Variants in PZP observed in about 807,000 individuals in gnomAD.
The protein encoded by PZP is PZP alpha-2-macroglobulin like.
Under a neutral mutation model 179.8 loss-of-function variants are expected in PZP, and 150 were observed. The ratio of observed to expected loss-of-function variants is 0.83; its 90% CI spans 0.73 to 0.96. PZP has a LOEUF of 0.96. Among genes scored for constraint, PZP ranks in the 40% least tolerant of loss-of-function variants. The pLI, the probability that PZP is intolerant of heterozygous loss-of-function variation, is 0.00. For missense variants in PZP, 1,689 were observed against 1,764.0 expected, an observed-to-expected ratio of 0.96 and a Z score of 0.76; for synonymous variants, 624 against 652.3, an observed-to-expected ratio of 0.96 and a Z score of 0.66.
At position 9,202,222 on chromosome 12, in the gene PZP, T is replaced by C. The variant is rs1381524040; in HGVS notation, c.480+97A>G. On this transcript the variant is annotated intron_variant, in intron 4 of 35. Transcript: ENST00000261336. ...CTGGAGCCAAGTTCAAAAACAAGTG[T>C]CTTTCATCCTCTCGCTTTTCTTGTA... 17 of 1,121,710 alleles carry C rather than the reference T, an allele frequency of 1.5e-5. No homozygotes were observed. In the Admixed American group the frequency reaches 3.4e-4, roughly 22 times the overall value. 69.5% of individuals were successfully genotyped at this position (1,121,710 alleles called of 1,614,324 possible). A position where few individuals can be genotyped will look rare whatever the true frequency, so the allele number is the denominator to read the frequency against.
chr12:9,169,242 C>G (rs1324152691), intron 16 of PZP, among the ~76,000 whole-genome samples, 188 bp downstream of exon 16: 5 of 151,946 alleles, frequency 3.3e-5, no homozygotes, highest in African/African-American at 9.7e-5. Context: ...AGATCTAGCC[C>G]TGACTCACAT....
Position 9,192,498 on chromosome 12 carries a change from G to A in PZP, c.1482+14C>T, listed in dbSNP as rs915503739. On this transcript the variant is annotated intron_variant, in intron 12 of 35. Coordinates refer to ENST00000261336, the MANE Select transcript of PZP (RefSeq NM_002864.3). ...CTGATAAGCTGCAATTGTATTCCAT[G>A]GCCTCATTCTTACCAGGTAATGGAA... The A allele has an allele frequency of 6.3e-7, 1 of 1,598,924 alleles. No homozygotes were observed. Among genetic ancestry groups the A allele is most frequent in the Non-Finnish European group, 8.6e-7 (1 of 1,166,808 alleles).
Position 9,168,862 on chromosome 12 carries a change from GTT to G in PZP, c.2107+5_2107+6del. The G allele has an allele frequency of 6.3e-7, 1 of 1,599,004 alleles. No homozygotes were observed. Among genetic ancestry groups the G allele is most frequent in the Non-Finnish European group, 8.6e-7 (1 of 1,167,658 alleles). ...GAAATAAAATTAAAAGCAAATTGCTGTTTTACCTCCATAGTATCCTTGACCTA... is the reference window on the plus strand; with the variant it reads ...GAAATAAAATTAAAAGCAAATTGCTGTTACCTCCATAGTATCCTTGACCTA... On this transcript the variant is annotated splice_donor_5th_base_variant and intron_variant, in intron 17 of 35. Coordinates refer to ENST00000261336, the MANE Select transcript of PZP (RefSeq NM_002864.3).
chr12:9,143,494 G>A, the PZP span, among the ~76,000 whole-genome samples: 1 of 151,954 alleles, frequency 6.6e-6, no homozygotes, highest in East Asian at 1.9e-4. Flanking sequence ...TTAGAAGGAA[G>A]GAATTTCAGA....
At chr12:9,185,767 G>GACTT (rs1184469237) in intron 13 of PZP, among the ~76,000 whole-genome samples, 1 of 101,922 alleles carries the variant, frequency 9.8e-6, no homozygotes, top group Non-Finnish European at 2.1e-5. Context: ...CAAGCCATAA[G>GACTT]AGATTTGGGG....
At chr12:9,173,514 T>TA (rs917607966) in intron 15 of PZP, among the ~76,000 whole-genome samples, 25 of 151,728 alleles carry the variant, frequency 1.6e-4, no homozygotes, top group African/African-American at 5.3e-4. Context: ...AAAACCCTCT[T>TA]AAAAAAACAA....
the PZP span, among the ~76,000 whole-genome samples, chr12:9,142,075 C>G: frequency 7.9e-5 from 12 of 152,296 alleles, no homozygotes; most frequent in South Asian, 1.5e-3. Context: ...GTAAACATCC[C>G]TCTCTTTAAA....
At chr12:9,195,377 T>TCCCTTC (rs1943709473) in intron 10 of PZP, among the ~76,000 whole-genome samples, 1 of 151,910 alleles carries the variant, frequency 6.6e-6, no homozygotes, top group East Asian at 1.9e-4. Flanking sequence ...TCCCTTCCTT[T>TCCCTTC]CCCTTCCCCT....
intron 20 of PZP, 115 bp downstream of exon 20, chr12:9,164,018 A>G: frequency 7.2e-7 from 1 of 1,396,996 alleles, no homozygotes; most frequent in Non-Finnish European, 9.7e-7. Flanking sequence ...AGGAAAAAAA[A>G]CTAACTTTAT....
intron 14 of PZP, 86 bp from the exon 15 acceptor site, chr12:9,181,218 AT>A: frequency 6.5e-7 from 1 of 1,542,056 alleles, no homozygotes; most frequent in African/African-American, 1.4e-5. Context: ...CCACCCTTAT[AT>A]TCAGTTCATA....
chr12:9,153,030 G>A (rs1940479407), intron 30 of PZP, 79 bp from the exon 31 acceptor site: 24 of 1,606,274 alleles, frequency 1.5e-5, no homozygotes, highest in Non-Finnish European at 2.0e-5. Context: ...GTCTCCAGAG[G>A]TGCCTTTTAC....
intron 6 of PZP, 87 bp downstream of exon 6, chr12:9,200,805 A>G (rs1218597335): frequency 1.4e-6 from 2 of 1,385,548 alleles, no homozygotes; most frequent in African/African-American, 1.4e-5. Flanking sequence ...CAAGTTCAAC[A>G]TATCTACAGG....
At chr12:9,186,855 TG>T (rs1423425905) in intron 13 of PZP, among the ~76,000 whole-genome samples, 18 of 10,040 alleles carry the variant, frequency 1.8e-3, no homozygotes, top group Non-Finnish European at 2.8e-3. Flanking sequence ...CTGTCGGGGG[TG>T]GGGGGCTGGG....
At position 9,153,115 on chromosome 12, in the gene PZP, G is replaced by A. The variant is rs1394862312; in HGVS notation, c.3993+10C>T. The A allele has an allele frequency of 6.2e-7, 1 of 1,613,318 alleles. No homozygotes were observed. Among genetic ancestry groups the A allele is most frequent in the African/African-American group, 1.3e-5 (1 of 74,876 alleles). On this transcript the variant is annotated intron_variant, in intron 30 of 35. Transcript: ENST00000261336. Reference sequence around the variant, plus strand: ...AGTTGACTCTCACCCATATAAGCTTGGAGCCCTACCTGAAGATACACACAT... The same window carrying A: ...AGTTGACTCTCACCCATATAAGCTTAGAGCCCTACCTGAAGATACACACAT...
At position 9,169,653 on chromosome 12, in the gene PZP, A is replaced by T. The variant is rs750223172; in HGVS notation, c.1840-62T>A. ...TTACTTTTCTTTTGAAATAGAATGA[A>T]CTGAGAGAAATAAAATAATTATCAC... On this transcript the variant is annotated intron_variant, in intron 15 of 35. Transcript: ENST00000261336. 2.8e-6 allele frequency: 4 copies of T among 1,403,908 alleles called. No individual in the cohort carries two copies. The East Asian group carries it at 1.0e-4, about 35-fold the overall frequency. The allele number at this position is 1,403,908 out of a possible 1,614,324, so 87.0% of individuals were successfully genotyped here.
At chr12:9,144,497 G>A (rs921171110), downstream of PZP, among the ~76,000 whole-genome samples, 4 of 152,288 alleles carry the variant, frequency 2.6e-5, no homozygotes, top group East Asian at 1.9e-4. Flanking sequence ...CACAACACCC[G>A]TCCTGGGTTT....
At chr12:9,145,308 G>T (rs537116538), downstream of PZP, among the ~76,000 whole-genome samples, 57 of 151,984 alleles carry the variant, frequency 3.8e-4, 2 homozygotes, top group African/African-American at 1.3e-3. Flanking sequence ...AATATACTTT[G>T]ATTTTTAAAT....
chr12:9,154,027 C>T (rs927424917), intron 29 of PZP, among the ~76,000 whole-genome samples: 46 of 152,150 alleles, frequency 3.0e-4, no homozygotes, highest in African/African-American at 1.1e-3. Flanking sequence ...AAGCTGAGTT[C>T]CTTGGAGTAG....
rs1457169924 is a variant in PZP, at chr12:9,152,867, C to T, written c.4078G>A (p.Gly1360Arg). The T allele has an allele frequency of 3.1e-6, 5 of 1,613,928 alleles. No individual in the cohort carries two copies. Among genetic ancestry groups the T allele is most frequent in the African/African-American group, 1.3e-5 (1 of 74,866 alleles). Residue 1360 changes from glycine to arginine, a missense_variant, in exon 31 of 36, where the codon GGA (glycine) becomes AGA (arginine). This residue lies in a region of PZP where 746 missense variants were observed against 749.2 expected (regional missense o/e 1.00). Coordinates refer to ENST00000261336, the MANE Select transcript of PZP (RefSeq NM_002864.3). ...KVQTVPQTCD[G>R]HKAHTSFQIS... ...TGAAAGCTGGTGTGGGCTTTGTGTC[C>T]ATCGCAAGTTTGGGGCACAGTCTGC...
Sources: allele counts gnomAD v4.1 joint callset (sites outside exome capture counted in the v4.1 genomes callset), GRCh38; gene constraint gnomAD v4.1.1; regional missense constraint gnomAD v4.1.1; transcripts MANE v1.5; gene names NCBI Gene and HGNC (gene_info 2026-07-23, HGNC 2026-07-21).